PLXDC1: variants seen among roughly 807,000 people sequenced by gnomAD.
PLXDC1 encodes the protein plexin domain containing 1.
Under a neutral mutation model 61.3 loss-of-function variants are expected in PLXDC1, and 39 were observed. The ratio of observed to expected loss-of-function variants is 0.64; its 90% confidence interval spans 0.49 to 0.83. The LOEUF (loss-of-function observed/expected upper bound fraction) is 0.83. Ranked by LOEUF, PLXDC1 falls within the 40% of genes least tolerant of loss-of-function variation. The probability of loss-of-function intolerance (pLI) is 0.00; values close to 1 mark genes in which losing one functional copy is unlikely to be tolerated. For synonymous variants in PLXDC1, 212 were observed against 254.5 expected (o/e 0.83, Z 1.59); for missense variants, 596 against 666.5 (o/e 0.89, Z 1.17).
intron 7 of PLXDC1, among the ~76,000 whole-genome samples, chr17:39,094,858 G>A (rs987565450): frequency 4.6e-5 from 7 of 152,064 alleles, no homozygotes; most frequent in South Asian, 4.1e-4. Context: ...CAGACATGCC[G>A]CCTCCTAAGC....
intron 7 of PLXDC1, among the ~76,000 whole-genome samples, chr17:39,095,250 G>A (rs1381790395): frequency 6.6e-6 from 1 of 151,266 alleles, no homozygotes; most frequent in African/African-American, 2.4e-5. Context: ...TGAGGGTGGG[G>A]GGTGGAACTA....
Position 39,107,434 on chromosome 17 carries a change from G to T in PLXDC1, c.684C>A (p.Asp228Glu). ...CTTTATAGGCAAAGACAATGCGGCC[G>T]TCATGGTGCAGAGCTGCCTGGAAGG... ...SFTFQAALHH[D>E]GRIVFAYKEI... The change falls in exon 6 of 14, where the codon GAC becomes GAA. Residue 228 changes from aspartate (D) to glutamate (E), a missense_variant. Physicochemically the swap from Asp to Glu is conservative, Grantham distance 45. Coordinates refer to ENST00000315392, the MANE Select transcript of PLXDC1 (RefSeq NM_020405.5). 1 of 1,613,066 alleles carries T rather than the reference G, an allele frequency of 6.2e-7. No homozygotes were observed. The highest frequency in any genetic ancestry group is 8.5e-7 in the Non-Finnish European group (1 of 1,179,256).
chr17:39,141,595 C>A (rs1911936127), intron 1 of PLXDC1, among the ~76,000 whole-genome samples: 1 of 152,230 alleles, frequency 6.6e-6, no homozygotes, highest in Non-Finnish European at 1.5e-5. Context: ...CTGCTACAAA[C>A]ATGGGTGTAC....
At chr17:39,075,643 T>G (rs1002402207) in intron 11 of PLXDC1, among the ~76,000 whole-genome samples, 1 of 152,224 alleles carries the variant, frequency 6.6e-6, no homozygotes, top group Non-Finnish European at 1.5e-5. Flanking sequence ...ATGCGCTACT[T>G]TAGCATCCTA....
At chr17:39,071,820 C>T (rs1909130556) in intron 12 of PLXDC1, among the ~76,000 whole-genome samples, 1 of 152,184 alleles carries the variant, frequency 6.6e-6, no homozygotes, top group Admixed American at 6.5e-5. Flanking sequence ...GCCCTGATGA[C>T]AATCTCCAGC....
At position 39,139,682 on chromosome 17, in the gene PLXDC1, G is replaced by T. The variant is rs114494148; in HGVS notation, c.227C>A (p.Thr76Lys). 0.016 allele frequency: 25,574 copies of T among 1,613,322 alleles called. 429 individuals are homozygous for T. Among genetic ancestry groups the T allele is most frequent in the Non-Finnish European group, 0.015 (18,110 of 1,179,828 alleles). Residue 76 changes from threonine (T) to lysine (K), a missense_variant, in exon 2 of 14, where the codon ACG (threonine) becomes AAG (lysine). By Grantham distance (78) the Thr-to-Lys change is moderately conservative (BLOSUM62 -1). Coordinates refer to ENST00000315392, the MANE Select transcript of PLXDC1 (RefSeq NM_020405.5). ...DLGGGTLAMD[T>K]LPDNRTRVVE... Reference sequence around the variant, plus strand: ...CACCCTGGTCCTGTTATCTGGCAGCGTGTCCATGGCCAGGGTGCCCCCACC... The same window carrying T: ...CACCCTGGTCCTGTTATCTGGCAGCTTGTCCATGGCCAGGGTGCCCCCACC...
chr17:39,078,199 G>A, intron 10 of PLXDC1, 151 bp from the exon 11 acceptor site: 1 of 780,774 alleles, frequency 1.3e-6, no homozygotes, highest in Non-Finnish European at 2.0e-6. Context: ...AATAAATAGA[G>A]CAAATCTGAA....
chr17:39,151,428 C>T lies in PLXDC1; in HGVS notation c.10G>A (p.Glu4Lys). The T allele has an allele frequency of 7.8e-7, 1 of 1,289,678 alleles. No homozygotes were observed. Among genetic ancestry groups the T allele is most frequent in the Non-Finnish European group, 9.8e-7 (1 of 1,017,288 alleles). The allele number at this position is 1,289,678 out of a possible 1,614,324, so 79.9% of individuals were successfully genotyped here. A position where few individuals can be genotyped will look rare whatever the true frequency, so the allele number is the denominator to read the frequency against. Residue 4 changes from glutamate (E) to lysine (K), a missense_variant, in exon 1 of 14, where the codon GAG (glutamate) becomes AAG (lysine). Transcript: ENST00000315392. This position sits in a 1 kb window ranked among gnomAD's most constrained non-coding sequence, Gnocchi z 5.2. MRG[E>K]LWLLVLVLRE... ...AGCACCAGCACCAGGAGCCAGAGCTCGCCTCGCATGGTGGGTGCCCGGACC... is the reference window on the plus strand; with the variant it reads ...AGCACCAGCACCAGGAGCCAGAGCTTGCCTCGCATGGTGGGTGCCCGGACC...
chr17:39,100,348 C>T (rs1002365605), intron 7 of PLXDC1, among the ~76,000 whole-genome samples: 20 of 152,142 alleles, frequency 1.3e-4, no homozygotes, highest in Admixed American at 7.9e-4. Flanking sequence ...CTCCGCCCCT[C>T]GGGTTCAAGC....
At position 39,070,485 on chromosome 17, in the gene PLXDC1, G is replaced by A. The variant is rs1217042096; in HGVS notation, c.1223-469C>T. 4 of 153,586 alleles carry A rather than the reference G, an allele frequency of 2.6e-5. 1 individual carries two copies. Among genetic ancestry groups the A allele is most frequent in the Admixed American group, 2.6e-4 (4 of 15,418 alleles). 9.5% of individuals were successfully genotyped at this position (153,586 alleles called of 1,614,324 possible). On this transcript the variant is annotated intron_variant, in intron 12 of 13. Coordinates refer to ENST00000315392, the MANE Select transcript of PLXDC1 (RefSeq NM_020405.5). ...AAGGATAATAACACCCACCTAATAG[G>A]GTTATTGTGAAGGTTAAAATTAGAT...
intron 7 of PLXDC1, chr17:39,097,004 G>C: frequency 2.1e-6 from 1 of 471,216 alleles, no homozygotes; most frequent in Non-Finnish European, 4.4e-6. Context: ...GGAAGTACTG[G>C]TAAGAACTCT....
intron 11 of PLXDC1, among the ~76,000 whole-genome samples, chr17:39,076,594 T>G (rs1909345608): frequency 6.6e-6 from 1 of 152,096 alleles, no homozygotes; most frequent in African/African-American, 2.4e-5. Context: ...AACTTTTTTC[T>G]TCTTTCCTTT....
chr17:39,132,095 G>C (rs1911584362), intron 2 of PLXDC1: 1 of 152,582 alleles, frequency 6.6e-6, no homozygotes, highest in South Asian at 2.1e-4. Flanking sequence ...GGGAGGTAAG[G>C]GGGGTGAAAG....
Position 39,108,986 on chromosome 17 carries a change from G to A in PLXDC1, c.400-13C>T. 2 of 1,605,508 alleles carry A rather than the reference G, an allele frequency of 1.2e-6. No individual in the cohort carries two copies. Among genetic ancestry groups the A allele is most frequent in the Non-Finnish European group, 1.7e-6 (2 of 1,172,626 alleles). ...ACAAGACCACTCTCTGCAGGGGATG[G>A]GAGAAAGTCAGCACGGGCCAAGCTG... On this transcript the variant is annotated splice_polypyrimidine_tract_variant and intron_variant, in intron 3 of 13. Coordinates refer to ENST00000315392, the MANE Select transcript of PLXDC1 (RefSeq NM_020405.5).
In PLXDC1 at chr17:39,087,751, G is replaced by T. The variant is rs12600774; in HGVS notation, c.812-49C>A. ...GTCAGGAGCATATCACAGGCAGAGG[G>T]CATCGAGGCCTCTTCCCGGACAGTC... On this transcript the variant is annotated intron_variant, in intron 7 of 13. Coordinates refer to ENST00000315392, the MANE Select transcript of PLXDC1 (RefSeq NM_020405.5). The T allele has an allele frequency of 4.3e-6, 6 of 1,380,404 alleles. No individual in the cohort carries two copies. In the African/African-American group the frequency reaches 5.7e-5, roughly 13 times the overall value. The allele number at this position is 1,380,404 out of a possible 1,614,324, so 85.5% of individuals were successfully genotyped here. A position where few individuals can be genotyped will look rare whatever the true frequency, so the allele number is the denominator to read the frequency against.
intron 7 of PLXDC1, among the ~76,000 whole-genome samples, chr17:39,091,958 CAAAAAAA>C (rs71141756): frequency 0.013 from 1,413 of 105,366 alleles, 21 homozygotes; most frequent in African/African-American, 0.044. Flanking sequence ...GACTCTATCT[CAAAAAAA>C]AAAAAAAAAA....
intron 7 of PLXDC1, among the ~76,000 whole-genome samples, chr17:39,089,872 A>G (rs1762809102): frequency 6.6e-6 from 1 of 152,106 alleles, no homozygotes; most frequent in Non-Finnish European, 1.5e-5. Context: ...ATCTCGGCTC[A>G]CTGCAACCTC....
rs773361405 is a variant in PLXDC1 at position 39,069,994 on chromosome 17, G to T, written c.1245C>A (p.Pro415=). The change falls in exon 13 of 14, where the codon CCC becomes CCA. Residue 415 remains proline (P), a synonymous_variant. Coordinates refer to ENST00000315392, the MANE Select transcript of PLXDC1 (RefSeq NM_020405.5). Reference sequence around the variant, plus strand: ...GGTGCACAGGAGTGCCCTTTGTCTTGGGGGACAGGTTGTTCTGAAGGCCTG... The same window carrying T: ...GGTGCACAGGAGTGCCCTTTGTCTTTGGGGACAGGTTGTTCTGAAGGCCTG... ...GGDGLQNNLS[P]KTKGTPVHLG... is the part of the protein sequence containing the mutation. 1.9e-6 allele frequency: 3 copies of T among 1,613,744 alleles called. No homozygotes were observed. The highest frequency in any genetic ancestry group is 3.3e-5 in the Admixed American group (2 of 60,000).
intron 7 of PLXDC1, among the ~76,000 whole-genome samples, chr17:39,090,136 A>T (rs1487433463): frequency 6.6e-6 from 1 of 152,142 alleles, no homozygotes; most frequent in Admixed American, 6.5e-5. Context: ...CGTTGGAATT[A>T]GTCCCTCCTA....
Sources: gnomAD v4.1 joint callset for allele counts (sites outside exome capture counted in the v4.1 genomes callset) on GRCh38, gnomAD v4.1.1 for gene constraint, Gnocchi (gnomAD v3.1) non-coding constraint, MANE v1.5 for transcripts, NCBI Gene and HGNC (gene_info 2026-07-23, HGNC 2026-07-21) for gene names.